Variants in WDR19 observed in about 807,000 individuals in gnomAD.
The protein encoded by WDR19 is WD repeat domain 19, also known as WD repeat-containing protein 19.
Under a neutral mutation model 180.0 loss-of-function variants are expected in WDR19, and 121 were observed. The ratio of observed to expected loss-of-function variants is 0.67; its 90% CI spans 0.58 to 0.78. The LOEUF is 0.78. WDR19 is among the 30% of genes least tolerant of loss of function. The probability of loss-of-function intolerance (pLI) is 0.00; values close to 1 mark genes in which losing one functional copy is unlikely to be tolerated. For missense variants in WDR19, 1,450 were observed against 1,640.7 expected, an observed-to-expected ratio of 0.88 and a Z score of 2.01; for synonymous variants, 497 against 540.7, an observed-to-expected ratio of 0.92 and a Z score of 1.12.
At chr4:39,209,172 G>A (rs1728247937) in intron 9 of WDR19, among the ~76,000 whole-genome samples, 1 of 152,014 alleles carries the variant, frequency 6.6e-6, no homozygotes, top group Admixed American at 6.6e-5. Flanking sequence ...GACCATAATG[G>A]AATCAAACTA....
At chr4:39,185,651 C>G (rs1725432811) in intron 1 of WDR19, 75 bp from the exon 2 acceptor site, 1 of 1,355,446 alleles carries the variant, frequency 7.4e-7, no homozygotes, top group African/African-American at 1.4e-5. Flanking sequence ...TTTTCATGAC[C>G]ATGTTTTGAT....
At chr4:39,285,165 T>TTTAA (rs1737062114) in intron 36 of WDR19, among the ~76,000 whole-genome samples, 1 of 151,930 alleles carries the variant, frequency 6.6e-6, no homozygotes. Context: ...AATATAACTG[T>TTTAA]TTAATTTCAG....
At chr4:39,272,940 C>G in intron 31 of WDR19, 40 bp from the exon 32 acceptor site, 1 of 1,482,942 alleles carries the variant, frequency 6.7e-7, no homozygotes. Flanking sequence ...TGGGGCTAAT[C>G]AATGACTATA....
At position 39,231,811 on chromosome 4, in the gene WDR19, G is replaced by C; in HGVS notation, c.1997G>C (p.Trp666Ser). ...TTACATCCCAGGTTTTCTGATGCTTGGGAAATGTGCAGGATTCTGAATGAT... is the reference window on the plus strand; with the variant it reads ...TTACATCCCAGGTTTTCTGATGCTTCGGAAATGTGCAGGATTCTGAATGAT... ...NLMLKRFSDA[W>S]EMCRILNDEA... Residue 666 changes from tryptophan to serine, a missense_variant, in exon 18 of 37, where the codon TGG becomes TCG. Trp to Ser is a radical substitution (Grantham distance 177). Transcript: ENST00000399820. 3 of 1,582,712 alleles carry C rather than the reference G, an allele frequency of 1.9e-6. No homozygotes were observed. Among genetic ancestry groups the C allele is most frequent in the Non-Finnish European group, 2.6e-6 (3 of 1,157,030 alleles).
chr4:39,235,885 C>T (rs1224573454), intron 20 of WDR19, among the ~76,000 whole-genome samples: 1 of 151,914 alleles, frequency 6.6e-6, no homozygotes, highest in African/African-American at 2.4e-5. Flanking sequence ...TGAAAAAATG[C>T]TCAATATCAT....
intron 9 of WDR19, among the ~76,000 whole-genome samples, chr4:39,207,819 T>C (rs1577879003): frequency 6.6e-6 from 1 of 152,208 alleles, no homozygotes; most frequent in East Asian, 1.9e-4. Context: ...GCAACAGAAA[T>C]GGTAAATATC....
intron 24 of WDR19, among the ~76,000 whole-genome samples, chr4:39,252,284 C>A (rs1243342126): frequency 6.8e-6 from 1 of 146,088 alleles, no homozygotes; most frequent in Non-Finnish European, 1.5e-5. Flanking sequence ...CTCATGTTCT[C>A]ACTCATAGGT....
intron 24 of WDR19, among the ~76,000 whole-genome samples, chr4:39,248,937 C>G (rs1330163472): frequency 1.0e-4 from 15 of 147,996 alleles, no homozygotes; most frequent in Admixed American, 2.7e-4. Flanking sequence ...CAACATTAGA[C>G]AGATCAACGA....
intron 15 of WDR19, 128 bp from the exon 16 acceptor site, chr4:39,228,082 G>T: frequency 1.0e-5 from 9 of 896,582 alleles, no homozygotes; most frequent in Non-Finnish European, 1.3e-5. Context: ...TGTTGTTGTT[G>T]GAGTGATGTT....
intron 6 of WDR19, among the ~76,000 whole-genome samples, chr4:39,200,194 C>A (rs1160953048): frequency 1.3e-5 from 2 of 152,324 alleles, no homozygotes; most frequent in East Asian, 3.9e-4. Flanking sequence ...CTAACACATT[C>A]TTTGAATACC....
intron 15 of WDR19, 61 bp downstream of exon 15, chr4:39,225,094 T>C: frequency 7.3e-7 from 1 of 1,366,048 alleles, no homozygotes; most frequent in Non-Finnish European, 9.6e-7. Context: ...AAAAAAAGTG[T>C]TTAAAGCCTA....
At chr4:39,254,594 C>T (rs1359111999) in intron 26 of WDR19, among the ~76,000 whole-genome samples, 3 of 152,072 alleles carry the variant, frequency 2.0e-5, no homozygotes, top group Non-Finnish European at 4.4e-5. Flanking sequence ...ATGGACCATA[C>T]ATAATGTTAT....
intron 35 of WDR19, 85 bp from the exon 36 acceptor site, chr4:39,278,454 A>C (rs1736129976): frequency 9.3e-7 from 1 of 1,077,194 alleles, no homozygotes; most frequent in African/African-American, 1.6e-5. Context: ...GTAGACAGAA[A>C]GTTGTTGTCT....
At chr4:39,194,401 AGTCTTT>A in intron 4 of WDR19, 137 bp from the exon 5 acceptor site, 1 of 509,666 alleles carries the variant, frequency 2.0e-6, no homozygotes. Flanking sequence ...TTTAGCATTT[AGTCTTT>A]GTCCTAAAGC....
In WDR19 at chr4:39,251,943, G is replaced by A. The variant is rs534441694; in HGVS notation, c.2730-1203G>A. Among the ~76,000 whole-genome samples, 392 of 152,178 alleles carry A rather than the reference G, an allele frequency of 2.6e-3. 2 individuals carry two copies. The highest frequency in any genetic ancestry group is 0.01 in the Middle Eastern group (3 of 294). On this transcript the variant is annotated intron_variant, in intron 24 of 36. Coordinates refer to ENST00000399820, the MANE Select transcript of WDR19 (RefSeq NM_025132.4). ...AACTAGTTCAATCATTGTGGAAGTC[G>A]GTGTGGTGATTCCTCAGGGATCTAG...
In WDR19 at chr4:39,240,261, C is replaced by G. The variant is rs780933216; in HGVS notation, c.2364-16C>G. 7 of 1,230,592 alleles carry G rather than the reference C, an allele frequency of 5.7e-6. No homozygotes were observed. The South Asian group carries it at 1.1e-4, about 20-fold the overall frequency. The allele number at this position is 1,230,592 out of a possible 1,614,324, so 76.2% of individuals were successfully genotyped here. On this transcript the variant is annotated splice_polypyrimidine_tract_variant and intron_variant, in intron 20 of 36. Coordinates refer to ENST00000399820, the MANE Select transcript of WDR19 (RefSeq NM_025132.4). Reference sequence around the variant, plus strand: ...TATATTAAAATTATTAAAATTCACTCTTATTTTTTTTTCAGGGGTGATTAT... The same window carrying G: ...TATATTAAAATTATTAAAATTCACTGTTATTTTTTTTTCAGGGGTGATTAT...
At chr4:39,196,774 C>T (rs1726786261) in intron 5 of WDR19, among the ~76,000 whole-genome samples, 1 of 152,168 alleles carries the variant, frequency 6.6e-6, no homozygotes, top group Non-Finnish European at 1.5e-5. Flanking sequence ...ACAAATTTTC[C>T]ATAATCTGGC....
rs1452846218 is a variant in WDR19, at chr4:39,205,291, AC to A, written c.716+26del. ...GGTATGTCTGCTATAACTGGTATGT[AC>A]AAAAAGCTCATTACAGAAGGACATC... is the stretch of plus-strand genomic sequence containing the variant. On this transcript the variant is annotated intron_variant, in intron 8 of 36. Coordinates refer to ENST00000399820, the MANE Select transcript of WDR19 (RefSeq NM_025132.4). The A allele has an allele frequency of 2.6e-6, 4 of 1,539,288 alleles. 1 individual carries two copies. In the South Asian group the frequency reaches 4.8e-5, roughly 18 times the overall value.
intron 14 of WDR19, among the ~76,000 whole-genome samples, chr4:39,220,244 A>C (rs1429174448): frequency 6.6e-6 from 1 of 152,140 alleles, no homozygotes; most frequent in Non-Finnish European, 1.5e-5. Context: ...AAACAAAAAA[A>C]CAAAAAACAA....
Sources: gnomAD v4.1 joint callset for allele counts (sites outside exome capture counted in the v4.1 genomes callset) on GRCh38, gnomAD v4.1.1 for gene constraint, MANE v1.5 for transcripts, NCBI Gene and HGNC (gene_info 2026-07-23, HGNC 2026-07-21) for gene names.